The following CD80 variants were observed in gnomAD, a reference collection of about 807,000 sequenced individuals.
CD80 encodes the protein CD80 molecule.
Under a neutral mutation model 27.1 loss-of-function variants are expected in CD80, and 13 were observed. The observed-to-expected ratio is 0.48, with a 90% confidence interval of 0.31 to 0.76. The LOEUF (loss-of-function observed/expected upper bound fraction) is 0.76. CD80 is among the 30% of genes least tolerant of loss of function. CD80 has a pLI of 0.04. For missense variants in CD80, 277 were observed against 347.9 expected (o/e 0.80, Z 1.62); for synonymous variants, 125 against 125.5 (o/e 1.00, Z 0.03).
chr3:119,556,762 A>G (rs536772974), intron 2 of CD80, among the ~76,000 whole-genome samples: 7 of 152,302 alleles, frequency 4.6e-5, no homozygotes, highest in African/African-American at 9.6e-5. Flanking sequence ...AGACTGGCAA[A>G]TCATGCTGGA....
At chr3:119,545,031 T>C (rs2082193251) in intron 2 of CD80, among the ~76,000 whole-genome samples, 164 bp from the exon 3 acceptor site, 1 of 152,194 alleles carries the variant, frequency 6.6e-6, no homozygotes. Flanking sequence ...TTTCTCTTCA[T>C]TTTTTAAAAA....
chr3:119,543,691 T>C (rs2082184172), intron 3 of CD80, among the ~76,000 whole-genome samples: 1 of 152,114 alleles, frequency 6.6e-6, no homozygotes, highest in South Asian at 2.1e-4. Context: ...CCACCCACCT[T>C]GGCCTCCCAA....
intron 2 of CD80, among the ~76,000 whole-genome samples, chr3:119,554,633 G>T (rs546727938): frequency 6.6e-6 from 1 of 152,306 alleles, no homozygotes; most frequent in South Asian, 2.1e-4. Flanking sequence ...AGGAGAGGGG[G>T]AACACCTCTG....
rs932072704 is a variant in CD80, at chr3:119,544,977, CTAAG to C, written c.101-114_101-111del. The C allele has an allele frequency of 8.9e-6, 7 of 789,024 alleles. No homozygotes were observed. The Admixed American group carries it at 1.1e-4, about 13-fold the overall frequency. 48.9% of individuals were successfully genotyped at this position (789,024 alleles called of 1,614,324 possible). On this transcript the variant is annotated intron_variant, in intron 2 of 6. Coordinates refer to ENST00000264246, the MANE Select transcript of CD80 (RefSeq NM_005191.4). ...GAACTTAGGGTGTTGTGTCTAGTGA[CTAAG>C]TATCAATCCAGTTTGATTTTTGGGG...
chr3:119,534,393 G>GAAAA (rs71293250), intron 4 of CD80, among the ~76,000 whole-genome samples: 1 of 143,366 alleles, frequency 7.0e-6, no homozygotes, highest in Admixed American at 7.0e-5. Context: ...AAAAGAAAAA[G>GAAAA]AAAAAAAAAA....
Position 119,524,471 on chromosome 3 carries a change from T to TA in CD80, c.*1316dup, listed in dbSNP as rs1375461038. 2.0e-5 allele frequency: 3 copies of TA among 152,066 alleles called. No individual in the cohort carries two copies. The highest frequency in any genetic ancestry group is 7.3e-5 in the African/African-American group (3 of 41,348). The allele number at this position is 152,066 out of a possible 1,614,324, so 9.4% of individuals were successfully genotyped here. On this transcript the variant is annotated 3_prime_UTR_variant, in exon 7 of 7. Transcript: ENST00000264246. ...AATACGGGAAACACTGCTAGTACCT[T>TA]ATGTTGGTGTTAGACCTCTCTGCCC...
chr3:119,553,220 A>C (rs2082244080), intron 2 of CD80, among the ~76,000 whole-genome samples: 1 of 151,522 alleles, frequency 6.6e-6, no homozygotes, highest in East Asian at 1.9e-4. Flanking sequence ...GCTCACAGCA[A>C]CCCCCGCCTC....
intron 4 of CD80, among the ~76,000 whole-genome samples, chr3:119,531,117 T>G (rs2082107764): frequency 6.6e-6 from 1 of 152,272 alleles, no homozygotes; most frequent in South Asian, 2.1e-4. Flanking sequence ...GCCAAATCCC[T>G]TGGGCCCAAA....
At chr3:119,540,253 A>T (rs1303665340) in intron 3 of CD80, among the ~76,000 whole-genome samples, 2 of 152,204 alleles carry the variant, frequency 1.3e-5, no homozygotes, top group African/African-American at 4.8e-5. Context: ...CCAGCCAATG[A>T]TAGCTATATT....
chr3:119,534,642 C>T (rs888375676), intron 4 of CD80, among the ~76,000 whole-genome samples: 1 of 152,112 alleles, frequency 6.6e-6, no homozygotes, highest in African/African-American at 2.4e-5. Context: ...GCTAGTATTA[C>T]TGATTTAATA....
chr3:119,552,513 C>CAAAAA (rs11369803), intron 2 of CD80, among the ~76,000 whole-genome samples: 1 of 31,288 alleles, frequency 3.2e-5, no homozygotes, highest in Non-Finnish European at 6.2e-5. Flanking sequence ...GACTCTGTCT[C>CAAAAA]AAAAAAAAAA....
intron 4 of CD80, among the ~76,000 whole-genome samples, chr3:119,534,862 T>C (rs780027681): frequency 1.3e-5 from 2 of 152,264 alleles, no homozygotes; most frequent in African/African-American, 2.4e-5. Flanking sequence ...TTTGAACTAA[T>C]TTTCCCAGGA....
rs544688964 is a variant in CD80, at chr3:119,536,884, C to G, written c.700+253G>C. Among the ~76,000 whole-genome samples the G allele has an allele frequency of 7.2e-5, 11 of 152,270 alleles. No individual in the cohort carries two copies. The South Asian group carries it at 2.3e-3, about 32-fold the overall frequency. ...AGATACACAAATACTTATTGTGTTACAACTGCCTATGTGTTCAGTATGGTA... is the reference window on the plus strand; with the variant it reads ...AGATACACAAATACTTATTGTGTTAGAACTGCCTATGTGTTCAGTATGGTA... On this transcript the variant is annotated intron_variant, in intron 4 of 6. Coordinates refer to ENST00000264246, the MANE Select transcript of CD80 (RefSeq NM_005191.4).
chr3:119,557,532 C>G, intron 2 of CD80, 97 bp downstream of exon 2: 1 of 726,902 alleles, frequency 1.4e-6, no homozygotes. Context: ...TTCCTTCCAG[C>G]TTATAGGATA....
intron 1 of CD80, 116 bp from the exon 2 acceptor site, chr3:119,558,044 A>G: frequency 5.3e-6 from 1 of 188,454 alleles, no homozygotes. Flanking sequence ...GCAACCTCTA[A>G]AGCAGGGCGT....
intron 2 of CD80, among the ~76,000 whole-genome samples, chr3:119,554,063 C>A (rs987607104): frequency 3.9e-5 from 6 of 152,226 alleles, no homozygotes; most frequent in Non-Finnish European, 7.3e-5. Flanking sequence ...GACTTTTCCC[C>A]CTGTTTAGAC....
At chr3:119,534,372 C>CA (rs59153952) in intron 4 of CD80, among the ~76,000 whole-genome samples, 16,700 of 97,700 alleles carry the variant, frequency 0.17, 1,236 homozygotes, top group Admixed American at 0.24. Flanking sequence ...AACTCTGTCT[C>CA]AAAAAAAAAA....
At chr3:119,533,410 C>T (rs369700282) in intron 4 of CD80, among the ~76,000 whole-genome samples, 1 of 146,606 alleles carries the variant, frequency 6.8e-6, no homozygotes, top group Non-Finnish European at 1.5e-5. Flanking sequence ...TACATTTGGG[C>T]TTTTTTTTTT....
intron 1 of CD80, among the ~76,000 whole-genome samples, chr3:119,558,213 CA>C (rs2082274318): frequency 6.6e-6 from 1 of 152,136 alleles, no homozygotes; most frequent in African/African-American, 2.4e-5. Context: ...AGCCAACCTG[CA>C]AAAGTTCAAA....
Sources: allele counts gnomAD v4.1 joint callset (sites outside exome capture counted in the v4.1 genomes callset), GRCh38; gene constraint gnomAD v4.1.1; transcripts MANE v1.5; gene names NCBI Gene and HGNC (gene_info 2026-07-23, HGNC 2026-07-21).